Variants in TCF7L1 observed in about 807,000 individuals in gnomAD.
The protein encoded by TCF7L1 is transcription factor 7 like 1.
A neutral mutation model predicts 63.7 loss-of-function variants in TCF7L1; 18 were observed. That is an observed-to-expected ratio of 0.28 (90% CI 0.20 to 0.42). The LOEUF is 0.42. TCF7L1 is among the 10% of genes least tolerant of loss of function. The pLI, the probability that TCF7L1 is intolerant of heterozygous loss-of-function variation, is 1.00. For synonymous variants in TCF7L1, 355 were observed against 340.9 expected (o/e 1.04, Z -0.46); for missense variants, 654 against 779.3 (o/e 0.84, Z 1.91).
chr2:85,216,150 C>T (rs941395319), intron 3 of TCF7L1, among the ~76,000 whole-genome samples: 4 of 151,966 alleles, frequency 2.6e-5, no homozygotes, highest in African/African-American at 9.7e-5. Flanking sequence ...TGCCCTTCTC[C>T]GAGAAAGGGA....
At chr2:85,222,802 AT>A in intron 3 of TCF7L1, among the ~76,000 whole-genome samples, 1 of 152,306 alleles carries the variant, frequency 6.6e-6, no homozygotes, top group Middle Eastern at 3.4e-3. Flanking sequence ...TTTGTAAGAC[AT>A]AATATTAGAA....
rs55736939 is a variant in TCF7L1 at position 85,168,192 on chromosome 2, A to AACACACACACACACACACACAC, written c.441+33752_441+33773dup. Reference sequence around the variant, plus strand: ...AATCTCATGTTAAGTGTTCTTACCAAACACACACACACACACACACACACA... The same window carrying AACACACACACACACACACACAC: ...AATCTCATGTTAAGTGTTCTTACCAAACACACACACACACACACACACACACACACACACACACACACACACA... On this transcript the variant is annotated intron_variant, in intron 3 of 11. Coordinates refer to ENST00000282111, the MANE Select transcript of TCF7L1 (RefSeq NM_031283.3). Among the ~76,000 whole-genome samples the AACACACACACACACACACACAC allele has an allele frequency of 3.7e-3, 539 of 145,656 alleles. 3 individuals are homozygous for AACACACACACACACACACACAC. Among genetic ancestry groups the AACACACACACACACACACACAC allele is most frequent in the African/African-American group, 0.012 (481 of 39,514 alleles).
Position 85,306,111 on chromosome 2 carries a change from TC to T in TCF7L1, c.990-91del. 6.6e-7 allele frequency: 1 copy of T among 1,520,006 alleles called. No individual in the cohort carries two copies. Among genetic ancestry groups the T allele is most frequent in the Non-Finnish European group, 9.0e-7 (1 of 1,112,068 alleles). The allele number at this position is 1,520,006 out of a possible 1,614,324, so 94.2% of individuals were successfully genotyped here. A position where few individuals can be genotyped will look rare whatever the true frequency, so the allele number is the denominator to read the frequency against. On this transcript the variant is annotated intron_variant, in intron 8 of 11. Transcript: ENST00000282111. The surrounding 1 kb of genome is among the most constrained non-coding windows in gnomAD (Gnocchi z 4.3). ...TTAGCATCCAGGCAGCCCGCGCCCC[TC>T]CCCAGAGACAATCAGCGGTGTTTCA...
intron 4 of TCF7L1, among the ~76,000 whole-genome samples, chr2:85,291,829 C>T (rs1425041814): frequency 1.3e-5 from 2 of 152,136 alleles, no homozygotes; most frequent in South Asian, 4.1e-4. Flanking sequence ...CCTCAGCCTC[C>T]CAAGTAGCTA....
intron 5 of TCF7L1, among the ~76,000 whole-genome samples, chr2:85,303,124 G>A (rs1647360194): frequency 2.0e-5 from 3 of 152,086 alleles, no homozygotes; most frequent in East Asian, 1.9e-4. Flanking sequence ...TTGACCTCCC[G>A]GGCTCAAGCA....
chr2:85,170,255 A>G (rs754742394), intron 3 of TCF7L1, among the ~76,000 whole-genome samples: 1 of 152,136 alleles, frequency 6.6e-6, no homozygotes, highest in Non-Finnish European at 1.5e-5. Context: ...TATCTTCCAT[A>G]GGTGGATTTC....
At chr2:85,214,179 C>T (rs1679636957) in intron 3 of TCF7L1, among the ~76,000 whole-genome samples, 1 of 152,200 alleles carries the variant, frequency 6.6e-6, no homozygotes, top group African/African-American at 2.4e-5. Flanking sequence ...GCTGCACTTC[C>T]TGAGGAGTGA....
chr2:85,171,025 G>A (rs191545976), intron 3 of TCF7L1, among the ~76,000 whole-genome samples: 2 of 152,174 alleles, frequency 1.3e-5, no homozygotes, highest in African/African-American at 4.8e-5. Flanking sequence ...CCTGAGACTG[G>A]GTAATTTATA....
At chr2:85,290,882 T>C (rs1443813033) in intron 4 of TCF7L1, among the ~76,000 whole-genome samples, 1 of 152,228 alleles carries the variant, frequency 6.6e-6, no homozygotes. Context: ...TTCTCTGTCC[T>C]TCCAGCCCAC....
At chr2:85,255,197 C>T (rs1488553497) in intron 3 of TCF7L1, among the ~76,000 whole-genome samples, 1 of 152,196 alleles carries the variant, frequency 6.6e-6, no homozygotes, top group African/African-American at 2.4e-5. Context: ...TAACAGGATC[C>T]TCAGCTAATG....
intron 4 of TCF7L1, 21 bp downstream of exon 4, chr2:85,283,599 A>G: frequency 1.2e-6 from 2 of 1,613,870 alleles, no homozygotes. Flanking sequence ...TTCACCTTAA[A>G]GCACCAAAGG....
intron 3 of TCF7L1, among the ~76,000 whole-genome samples, chr2:85,269,305 C>G (rs1383778902): frequency 6.6e-6 from 1 of 152,176 alleles, no homozygotes; most frequent in Admixed American, 6.5e-5. Context: ...TGAATTGATT[C>G]ACTTTTTTCC....
At chr2:85,140,221 A>G (rs1424473938) in intron 3 of TCF7L1, among the ~76,000 whole-genome samples, 2 of 152,074 alleles carry the variant, frequency 1.3e-5, no homozygotes, top group African/African-American at 4.8e-5. Flanking sequence ...TGGTGGACAG[A>G]TGCTTACTGA....
intron 4 of TCF7L1, among the ~76,000 whole-genome samples, chr2:85,294,111 A>T (rs1469923479): frequency 2.3e-5 from 3 of 132,736 alleles, no homozygotes; most frequent in African/African-American, 8.8e-5. Flanking sequence ...ATCTTGGCTC[A>T]CTGCAAGCTC....
chr2:85,181,009 A>T (rs1013361257), intron 3 of TCF7L1, among the ~76,000 whole-genome samples: 1 of 152,196 alleles, frequency 6.6e-6, no homozygotes, highest in African/African-American at 2.4e-5. Flanking sequence ...GGAGCAGTCA[A>T]CTGTTTCTCC....
At chr2:85,210,822 C>T (rs6742305) in intron 3 of TCF7L1, among the ~76,000 whole-genome samples, 69,352 of 151,990 alleles carry the variant, frequency 0.46, 16,029 homozygotes, top group African/African-American at 0.5. Context: ...TGTGAGGTGG[C>T]GATTTCGGTC....
At chr2:85,239,944 T>TAA (rs11337671) in intron 3 of TCF7L1, among the ~76,000 whole-genome samples, 34 of 104,346 alleles carry the variant, frequency 3.3e-4, no homozygotes, top group African/African-American at 1.1e-3. Context: ...AGACTCCATC[T>TAA]AAAAAAAAAA....
intron 3 of TCF7L1, among the ~76,000 whole-genome samples, chr2:85,193,903 GA>G (rs1288376044): frequency 6.6e-6 from 1 of 152,048 alleles, no homozygotes; most frequent in Non-Finnish European, 1.5e-5. Flanking sequence ...GTGGTATGTG[GA>G]AGTTCATTTT....
chr2:85,144,677 G>T (rs186104368), intron 3 of TCF7L1, among the ~76,000 whole-genome samples: 1 of 151,802 alleles, frequency 6.6e-6, no homozygotes, highest in Non-Finnish European at 1.5e-5. Context: ...ATTGCAGAGG[G>T]GATATTTGTC....
Sources: allele counts gnomAD v4.1 joint callset (sites outside exome capture counted in the v4.1 genomes callset), GRCh38; gene constraint gnomAD v4.1.1; non-coding constraint Gnocchi (gnomAD v3.1); transcripts MANE v1.5; gene names NCBI Gene and HGNC (gene_info 2026-07-23, HGNC 2026-07-21).